Variants in CTNNA3 observed in about 807,000 individuals in gnomAD.
CTNNA3 encodes the protein catenin alpha-3.
Under a neutral mutation model 95.7 loss-of-function variants are expected in CTNNA3, and 76 were observed. The observed-to-expected ratio is 0.79, with a 90% CI of 0.66 to 0.96. The LOEUF (loss-of-function observed/expected upper bound fraction) is 0.96. Among genes scored for constraint, CTNNA3 ranks in the 40% least tolerant of loss-of-function variants. The probability of loss-of-function intolerance (pLI) is 0.00; values close to 1 mark genes in which losing one functional copy is unlikely to be tolerated. For missense variants in CTNNA3, 1,191 were observed against 1,089.8 expected (o/e 1.09, Z -1.31); for synonymous variants, 431 against 374.4 (o/e 1.15, Z -1.74).
At chr10:67,615,651 G>A (rs1843627138) in intron 2 of CTNNA3, among the ~76,000 whole-genome samples, 1 of 147,074 alleles carries the variant, frequency 6.8e-6, no homozygotes. Flanking sequence ...CACAACGGCA[G>A]GTATTCTTTT....
chr10:66,373,196 G>A lies in CTNNA3; in HGVS notation c.1732+5956C>T, dbSNP rs559870218. Among the ~76,000 whole-genome samples, 3 of 152,184 alleles carry A rather than the reference G, an allele frequency of 2.0e-5. No individual in the cohort carries two copies. The East Asian group carries it at 5.8e-4, about 29-fold the overall frequency. On this transcript the variant is annotated intron_variant, in intron 12 of 17. Coordinates refer to ENST00000433211, the MANE Select transcript of CTNNA3 (RefSeq NM_013266.4). Reference sequence around the variant, plus strand: ...CATCACACAATACATATTGAAGATTGCAGTTTTTATAGCATTTTCTTTTTT... The same window carrying A: ...CATCACACAATACATATTGAAGATTACAGTTTTTATAGCATTTTCTTTTTT...
intron 11 of CTNNA3, among the ~76,000 whole-genome samples, chr10:66,475,292 G>A (rs1839283282): frequency 6.6e-6 from 1 of 151,834 alleles, no homozygotes; most frequent in Non-Finnish European, 1.5e-5. Context: ...CTTAAATTTA[G>A]GACCCCAAAA....
At chr10:67,111,661 A>G (rs1340941611) in intron 7 of CTNNA3, among the ~76,000 whole-genome samples, 2 of 152,018 alleles carry the variant, frequency 1.3e-5, no homozygotes, top group Non-Finnish European at 2.9e-5. Flanking sequence ...TGTATTCCAT[A>G]TACTTAATAT....
chr10:67,405,643 TCAAGA>T (rs1845114096), intron 5 of CTNNA3, among the ~76,000 whole-genome samples: 1 of 151,868 alleles, frequency 6.6e-6, no homozygotes, highest in African/African-American at 2.4e-5. Flanking sequence ...ATCTCTATCA[TCAAGA>T]CAGAAAATTA....
intron 5 of CTNNA3, among the ~76,000 whole-genome samples, chr10:67,251,714 C>T (rs1248488859): frequency 6.6e-6 from 1 of 152,088 alleles, no homozygotes; most frequent in African/African-American, 2.4e-5. Context: ...CGTTTGTCAA[C>T]AGAAAATAAT....
chr10:66,491,381 C>T (rs531125175), intron 11 of CTNNA3, among the ~76,000 whole-genome samples: 8 of 152,058 alleles, frequency 5.3e-5, no homozygotes, highest in Non-Finnish European at 1.0e-4. Flanking sequence ...CCATATAATC[C>T]AGCTGAAACA....
At chr10:67,143,189 C>T (rs1203947969) in intron 7 of CTNNA3, among the ~76,000 whole-genome samples, 1 of 151,998 alleles carries the variant, frequency 6.6e-6, no homozygotes, top group Non-Finnish European at 1.5e-5. Flanking sequence ...GTAATCCCAG[C>T]ACTTTGAGTC....
chr10:66,813,100 G>A (rs964771351), intron 7 of CTNNA3, among the ~76,000 whole-genome samples: 1 of 152,132 alleles, frequency 6.6e-6, no homozygotes, highest in African/African-American at 2.4e-5. Context: ...TTTGCTTAAT[G>A]AGAAGGGGAA....
intron 5 of CTNNA3, among the ~76,000 whole-genome samples, chr10:67,315,147 T>C (rs1023923913): frequency 1.3e-5 from 2 of 152,230 alleles, no homozygotes; most frequent in Non-Finnish European, 2.9e-5. Flanking sequence ...ATGTCATAAT[T>C]GCCATCTTTA....
chr10:66,105,963 C>T (rs2081882867), intron 13 of CTNNA3, among the ~76,000 whole-genome samples: 1 of 152,196 alleles, frequency 6.6e-6, no homozygotes, highest in Non-Finnish European at 1.5e-5. Flanking sequence ...TATCCCAGCA[C>T]TTTGGGAGGC....
chr10:67,023,818 G>A (rs990019920), intron 7 of CTNNA3, among the ~76,000 whole-genome samples: 1 of 152,152 alleles, frequency 6.6e-6, no homozygotes, highest in Non-Finnish European at 1.5e-5. Context: ...TGCAAGGTTA[G>A]GATACAGGAG....
At chr10:67,514,530 T>C (rs1320905874) in intron 5 of CTNNA3, among the ~76,000 whole-genome samples, 1 of 152,050 alleles carries the variant, frequency 6.6e-6, no homozygotes, top group Non-Finnish European at 1.5e-5. Flanking sequence ...TTTTTTTTTA[T>C]TATTATACTT....
At chr10:66,334,098 C>A (rs1225370800) in intron 12 of CTNNA3, among the ~76,000 whole-genome samples, 4 of 151,948 alleles carry the variant, frequency 2.6e-5, no homozygotes, top group African/African-American at 9.7e-5. Flanking sequence ...CTTCCTCCAT[C>A]CCTTTATTTT....
At chr10:66,163,816 T>C (rs2084978429) in intron 13 of CTNNA3, among the ~76,000 whole-genome samples, 1 of 152,170 alleles carries the variant, frequency 6.6e-6, no homozygotes, top group African/African-American at 2.4e-5. Context: ...ATCTTCAATG[T>C]TTTCATATGA....
chr10:67,438,155 T>C (rs1846370227), intron 5 of CTNNA3, among the ~76,000 whole-genome samples: 1 of 152,188 alleles, frequency 6.6e-6, no homozygotes, highest in Admixed American at 6.5e-5. Context: ...TTTTCCCACT[T>C]ACTGGCATAA....
At chr10:66,987,472 C>T (rs1366153433) in intron 7 of CTNNA3, among the ~76,000 whole-genome samples, 3 of 152,086 alleles carry the variant, frequency 2.0e-5, no homozygotes, top group South Asian at 2.1e-4. Context: ...CTTAGCAATC[C>T]GAGATGCCCA....
intron 4 of CTNNA3, among the ~76,000 whole-genome samples, chr10:67,533,828 A>C (rs1421273857): frequency 1.3e-5 from 2 of 152,176 alleles, no homozygotes; most frequent in Non-Finnish European, 2.9e-5. Context: ...AAATCAGGAA[A>C]TATATAGATA....
At chr10:66,752,855 C>A (rs59534662) in intron 9 of CTNNA3, among the ~76,000 whole-genome samples, 1 of 148,426 alleles carries the variant, frequency 6.7e-6, no homozygotes, top group Non-Finnish European at 1.5e-5. Flanking sequence ...CACACACACA[C>A]GCACACACAC....
At chr10:66,628,940 AGATAT>A (rs1845036539) in intron 9 of CTNNA3, among the ~76,000 whole-genome samples, 1 of 152,100 alleles carries the variant, frequency 6.6e-6, no homozygotes, top group African/African-American at 2.4e-5. Context: ...GATGGTAATT[AGATAT>A]GATTATGTGA....
Sources: allele counts gnomAD v4.1 joint callset (sites outside exome capture counted in the v4.1 genomes callset), GRCh38; gene constraint gnomAD v4.1.1; transcripts MANE v1.5; gene names NCBI Gene and HGNC (gene_info 2026-07-23, HGNC 2026-07-21).